The following QTMAN variants were observed in gnomAD, a reference collection of about 807,000 sequenced individuals.
QTMAN encodes the protein tRNA-queuosine alpha-mannosyltransferase.
the QTMAN span, chr2:144,006,369 CA>C: frequency 6.6e-6 from 1 of 152,074 alleles, no homozygotes; most frequent in African/African-American, 2.4e-5. Context: ...ACTTCACCTG[CA>C]AACGGTTGCT....
At chr2:144,175,319 G>A in the QTMAN span, among the ~76,000 whole-genome samples, 5 of 152,082 alleles carry the variant, frequency 3.3e-5, no homozygotes, top group African/African-American at 1.2e-4. Context: ...AACTATAGAA[G>A]TAATCAATAG....
At chr2:143,991,289 C>T in the QTMAN span, among the ~76,000 whole-genome samples, 1 of 152,068 alleles carries the variant, frequency 6.6e-6, no homozygotes, top group Non-Finnish European at 1.5e-5. Context: ...AAGTGGATTT[C>T]TAAACATTAT....
chr2:144,112,918 C>T, the QTMAN span, among the ~76,000 whole-genome samples: 1 of 151,982 alleles, frequency 6.6e-6, no homozygotes, highest in Admixed American at 6.6e-5. Flanking sequence ...GACGTCCACC[C>T]CCATCTCACA....
chr2:144,097,053 C>T, the QTMAN span, among the ~76,000 whole-genome samples: 1 of 152,170 alleles, frequency 6.6e-6, no homozygotes, highest in African/African-American at 2.4e-5. Flanking sequence ...ATATGAATTA[C>T]CTTTTACATG....
At chr2:144,332,523 C>G in the QTMAN span, 1 of 147,862 alleles carries the variant, frequency 6.8e-6, no homozygotes, top group Non-Finnish European at 1.5e-5. Context: ...GCCCCTCCCC[C>G]GCGGCCGCCG....
the QTMAN span, among the ~76,000 whole-genome samples, chr2:143,982,852 T>TAA: frequency 1.3e-5 from 1 of 75,834 alleles, no homozygotes; most frequent in Non-Finnish European, 2.4e-5. Flanking sequence ...AGACTCTGTC[T>TAA]CAAAAAAAAA....
chr2:144,064,070 A>G, the QTMAN span, among the ~76,000 whole-genome samples: 1 of 152,210 alleles, frequency 6.6e-6, no homozygotes, highest in African/African-American at 2.4e-5. Flanking sequence ...CATAAATAAT[A>G]AAGGAAAAAT....
At chr2:144,068,091 T>C in the QTMAN span, among the ~76,000 whole-genome samples, 1 of 152,168 alleles carries the variant, frequency 6.6e-6, no homozygotes, top group African/African-American at 2.4e-5. Context: ...GGGTATATCA[T>C]TAAAAGGGTT....
the QTMAN span, among the ~76,000 whole-genome samples, chr2:144,107,169 T>C: frequency 6.6e-6 from 1 of 152,076 alleles, no homozygotes; most frequent in Non-Finnish European, 1.5e-5. Context: ...GATCTAAAAT[T>C]GACACCCTAA....
the QTMAN span, among the ~76,000 whole-genome samples, chr2:144,168,932 T>G: frequency 6.8e-6 from 1 of 147,864 alleles, no homozygotes; most frequent in Non-Finnish European, 1.5e-5. Context: ...CATTATTTTA[T>G]TATCGTTCTC....
chr2:144,201,222 C>T, the QTMAN span, among the ~76,000 whole-genome samples: 37 of 152,192 alleles, frequency 2.4e-4, no homozygotes, highest in African/African-American at 8.2e-4. Context: ...TCTGAAATGA[C>T]GAAACTTTAG....
the QTMAN span, among the ~76,000 whole-genome samples, chr2:144,203,779 GTTTAA>G: frequency 6.6e-6 from 1 of 151,964 alleles, no homozygotes; most frequent in Non-Finnish European, 1.5e-5. Flanking sequence ...ACATATTTAG[GTTTAA>G]TTTAATTAAA....
At chr2:144,249,156 T>C in the QTMAN span, among the ~76,000 whole-genome samples, 1 of 152,204 alleles carries the variant, frequency 6.6e-6, no homozygotes, top group Non-Finnish European at 1.5e-5. Context: ...TATTTAGATC[T>C]AGTTTCAAAA....
At chr2:144,162,246 C>G in the QTMAN span, among the ~76,000 whole-genome samples, 1 of 151,958 alleles carries the variant, frequency 6.6e-6, no homozygotes, top group East Asian at 1.9e-4. Context: ...AGACCTGGTT[C>G]CAGGAACGAA....
At chr2:144,202,819 A>G in the QTMAN span, among the ~76,000 whole-genome samples, 2 of 152,234 alleles carry the variant, frequency 1.3e-5, no homozygotes, top group South Asian at 2.1e-4. Context: ...GGAGCCATAT[A>G]GAACCTTACG....
At chr2:144,229,422 T>A in the QTMAN span, among the ~76,000 whole-genome samples, 1 of 152,208 alleles carries the variant, frequency 6.6e-6, no homozygotes, top group African/African-American at 2.4e-5. Context: ...TTCAGGGTAA[T>A]GATAGAGTAA....
chr2:144,244,365 G>A, the QTMAN span, among the ~76,000 whole-genome samples: 1 of 152,162 alleles, frequency 6.6e-6, no homozygotes, highest in East Asian at 1.9e-4. Flanking sequence ...GCAGTGCTCT[G>A]CCTAATGTAT....
chr2:144,292,719 G>A, the QTMAN span, among the ~76,000 whole-genome samples: 31 of 152,092 alleles, frequency 2.0e-4, no homozygotes, highest in Middle Eastern at 0.014. Flanking sequence ...AATAAACTGG[G>A]ACATGTCTAA....
chr2:144,112,911 G>A, the QTMAN span, among the ~76,000 whole-genome samples: 8 of 151,936 alleles, frequency 5.3e-5, no homozygotes, highest in Admixed American at 2.6e-4. Flanking sequence ...GAACTCAGAC[G>A]TCCACCCCCA....
Sources: allele counts gnomAD v4.1 joint callset (sites outside exome capture counted in the v4.1 genomes callset), GRCh38; gene constraint gnomAD v4.1.1; transcripts MANE v1.5; gene names NCBI Gene and HGNC (gene_info 2026-07-23, HGNC 2026-07-21).